Variants in GPBP1L1 observed in about 807,000 individuals in gnomAD.
The protein encoded by GPBP1L1 is GC-rich promoter binding protein 1 like 1, also known as vasculin-like protein 1.
GPBP1L1 carries 23 observed loss-of-function variants against 52.5 expected under a neutral mutation model. The observed-to-expected ratio is 0.44, with a 90% CI of 0.32 to 0.62. The LOEUF is 0.62. Ranked by LOEUF, GPBP1L1 falls within the 20% of genes least tolerant of loss-of-function variation. The pLI is 0.06. For missense variants in GPBP1L1, 596 were observed against 579.3 expected (o/e 1.03, Z -0.30); for synonymous variants, 243 against 203.1 (o/e 1.20, Z -1.67).
intron 6 of GPBP1L1, among the ~76,000 whole-genome samples, chr1:45,643,820 C>A (rs1048675497): frequency 6.6e-6 from 1 of 151,946 alleles, no homozygotes; most frequent in African/African-American, 2.4e-5. Flanking sequence ...CAGGTGCGCA[C>A]CACCACACCC....
At chr1:45,657,047 C>T (rs1436835658) in intron 4 of GPBP1L1, among the ~76,000 whole-genome samples, 1 of 152,108 alleles carries the variant, frequency 6.6e-6, no homozygotes, top group East Asian at 1.9e-4. Flanking sequence ...TATGCCAAAA[C>T]CACAGGGCTT....
At chr1:45,684,811 C>CA (rs200894868) in intron 2 of GPBP1L1, among the ~76,000 whole-genome samples, 4 of 151,522 alleles carry the variant, frequency 2.6e-5, no homozygotes, top group South Asian at 4.2e-4. Context: ...TTAACAACAA[C>CA]AACAAAAAAT....
chr1:45,663,548 G>C (rs1055179536), intron 2 of GPBP1L1, among the ~76,000 whole-genome samples: 2 of 152,088 alleles, frequency 1.3e-5, no homozygotes, highest in Non-Finnish European at 2.9e-5. Context: ...CAAGAAGCTG[G>C]GATATCTGAA....
rs148262610 is a variant in GPBP1L1 at position 45,632,822 on chromosome 1, T to G, written c.1044+667A>C. Among the ~76,000 whole-genome samples the G allele has an allele frequency of 3.4e-3, 510 of 152,170 alleles. 2 individuals carry two copies. The highest frequency in any genetic ancestry group is 5.5e-3 in the Non-Finnish European group (371 of 68,010). On this transcript the variant is annotated intron_variant, in intron 10 of 12. Transcript: ENST00000355105. ...CTATTAACTAAGATATACAAAGAAC[T>G]CTAAGAACTCTTAAAACTTAGCAAT...
rs143229482 is a variant in GPBP1L1, at chr1:45,653,702, CT to C, written c.477+840del. 2.4e-3 allele frequency among the ~76,000 whole-genome samples: 346 copies of C among 143,030 alleles called. 2 individuals are homozygous for C. The highest frequency in any genetic ancestry group is 5.7e-3 in the African/African-American group (221 of 38,622). 93.8% of individuals were successfully genotyped at this position (143,030 alleles called of 152,430 possible). ...TTGTTAAAATGATAATCTTTTTTTT[CT>C]TTTTTTTTTTTTTGAGACAGAGTCT... On this transcript the variant is annotated intron_variant, in intron 6 of 12. Transcript: ENST00000355105.
At chr1:45,654,893 C>T (rs1644865827) in intron 5 of GPBP1L1, 64 bp from the exon 6 acceptor site, 1 of 1,486,072 alleles carries the variant, frequency 6.7e-7, no homozygotes. Context: ...ACGGTATTGG[C>T]CAAAGGCCTT....
intron 12 of GPBP1L1, among the ~76,000 whole-genome samples, chr1:45,628,796 T>C (rs906285338): frequency 6.6e-6 from 1 of 152,210 alleles, no homozygotes; most frequent in Non-Finnish European, 1.5e-5. Context: ...CCCAAGTAGC[T>C]TGGATTACAG....
In GPBP1L1 at chr1:45,640,350, A is replaced by C. The variant is rs376805372; in HGVS notation, c.604T>G (p.Ser202Ala). 6.2e-7 allele frequency: 1 copy of C among 1,614,196 alleles called. No individual in the cohort carries two copies. The highest frequency in any genetic ancestry group is 1.1e-5 in the South Asian group (1 of 91,088). Residue 202 changes from serine (S) to alanine (A), a missense_variant, in exon 8 of 13, where the codon TCC (serine) becomes GCC (alanine). Ser to Ala is a moderately conservative substitution (Grantham distance 99, BLOSUM62 1). Transcript: ENST00000355105. ...PSKMLVIKKV[S>A]KEDPAAAFSA... ...AAGGCAGCAGCAGGATCCTCTTTGG[A>C]AACTTTTTTGATAACTAGCATCTTG...
intron 2 of GPBP1L1, among the ~76,000 whole-genome samples, chr1:45,666,038 G>A (rs1240171596): frequency 6.6e-6 from 1 of 151,894 alleles, no homozygotes; most frequent in East Asian, 1.9e-4. Flanking sequence ...CAAGAAATAA[G>A]CCTTTCCCCC....
chr1:45,644,526 CA>C (rs1158211687), intron 6 of GPBP1L1, among the ~76,000 whole-genome samples: 4 of 151,436 alleles, frequency 2.6e-5, no homozygotes, highest in Admixed American at 6.6e-5. Context: ...AAAAAAACCC[CA>C]AAACTACTCA....
intron 6 of GPBP1L1, among the ~76,000 whole-genome samples, chr1:45,647,949 C>CTT (rs1001087630): frequency 6.6e-6 from 1 of 150,852 alleles, no homozygotes; most frequent in Admixed American, 6.6e-5. Context: ...ATGTTTTTTT[C>CTT]TTTTTTTTTG....
intron 6 of GPBP1L1, among the ~76,000 whole-genome samples, chr1:45,652,721 T>A (rs72688469): frequency 0.31 from 27,841 of 90,412 alleles, 2,888 homozygotes; most frequent in Non-Finnish European, 0.38. Flanking sequence ...GATTGCTGCA[T>A]TTTTTTTTTT....
At chr1:45,665,744 A>G (rs1227255012) in intron 2 of GPBP1L1, among the ~76,000 whole-genome samples, 1 of 30,114 alleles carries the variant, frequency 3.3e-5, no homozygotes, top group Admixed American at 2.9e-4. Flanking sequence ...ACGCCGTCTT[A>G]AAAAAAAAAA....
At chr1:45,673,132 G>A (rs1287822977) in intron 2 of GPBP1L1, among the ~76,000 whole-genome samples, 1 of 152,150 alleles carries the variant, frequency 6.6e-6, no homozygotes, top group East Asian at 1.9e-4. Flanking sequence ...GTTCAGAGGG[G>A]TGAGATGGGA....
At chr1:45,684,289 GA>G (rs1227552574) in intron 2 of GPBP1L1, among the ~76,000 whole-genome samples, 2 of 140,670 alleles carry the variant, frequency 1.4e-5, no homozygotes, top group East Asian at 2.0e-4. Context: ...AAAAAGAAAA[GA>G]AAAGAAGGAA....
intron 4 of GPBP1L1, among the ~76,000 whole-genome samples, chr1:45,656,843 TG>T (rs960683153): frequency 1.5e-5 from 2 of 135,030 alleles, no homozygotes; most frequent in African/African-American, 5.4e-5. Flanking sequence ...TTTTTGTTGT[TG>T]TTTTTTTTTT....
chr1:45,668,074 T>G (rs1645031318), intron 2 of GPBP1L1, among the ~76,000 whole-genome samples: 1 of 152,140 alleles, frequency 6.6e-6, no homozygotes, highest in African/African-American at 2.4e-5. Context: ...TAGTGTACCC[T>G]TATTGTCTTT....
At chr1:45,651,634 C>T in intron 6 of GPBP1L1, 1 of 686,088 alleles carries the variant, frequency 1.5e-6, no homozygotes, top group Non-Finnish European at 2.7e-6. Context: ...TGGCTCTCTG[C>T]TGCTGCAACC....
intron 2 of GPBP1L1, among the ~76,000 whole-genome samples, chr1:45,671,209 CTTTT>C (rs5773890): frequency 3.0e-5 from 3 of 99,824 alleles, no homozygotes; most frequent in South Asian, 3.7e-4. Flanking sequence ...GGCTCTCTGG[CTTTT>C]TTTTTTTTTT....
Sources: allele counts gnomAD v4.1 joint callset (sites outside exome capture counted in the v4.1 genomes callset), GRCh38; gene constraint gnomAD v4.1.1; transcripts MANE v1.5; gene names NCBI Gene and HGNC (gene_info 2026-07-23, HGNC 2026-07-21).